The following SUGCT variants were observed in gnomAD, a reference collection of about 807,000 sequenced individuals.
SUGCT encodes the protein succinyl-CoA:glutarate CoA-transferase.
A neutral mutation model predicts 55.0 loss-of-function variants in SUGCT; 41 were observed. That is an observed-to-expected ratio of 0.74 (90% CI 0.58 to 0.97). SUGCT has a LOEUF of 0.97. SUGCT is among the 50% of genes least tolerant of loss of function. SUGCT has a pLI of 0.00. For missense variants in SUGCT, 568 were observed against 547.8 expected, an observed-to-expected ratio of 1.04 and a Z score of -0.37; for synonymous variants, 187 against 200.4, an observed-to-expected ratio of 0.93 and a Z score of 0.56.
intron 12 of SUGCT, among the ~76,000 whole-genome samples, chr7:40,549,064 T>A (rs147760239): frequency 4.6e-5 from 7 of 152,290 alleles, no homozygotes; most frequent in Admixed American, 4.6e-4. Context: ...TCTCCTTGGA[T>A]CTCCTTCTGA....
intron 6 of SUGCT, among the ~76,000 whole-genome samples, chr7:40,208,276 G>T (rs1787112595): frequency 6.6e-6 from 1 of 152,088 alleles, no homozygotes; most frequent in Non-Finnish European, 1.5e-5. Flanking sequence ...TGATAGTTAT[G>T]CAACTATGTG....
chr7:40,546,375 A>G (rs1794991432), intron 12 of SUGCT, among the ~76,000 whole-genome samples: 1 of 152,228 alleles, frequency 6.6e-6, no homozygotes, highest in Non-Finnish European at 1.5e-5. Context: ...GGCCTATTTC[A>G]AAGTAATGTG....
At chr7:40,657,680 A>G (rs541350803) in intron 12 of SUGCT, among the ~76,000 whole-genome samples, 2,018 of 148,550 alleles carry the variant, frequency 0.014, 29 homozygotes, top group African/African-American at 0.047. Context: ...GATTACAGGC[A>G]CCCGCCACTA....
intron 1 of SUGCT, among the ~76,000 whole-genome samples, chr7:40,161,976 A>C (rs1246517263): frequency 6.6e-6 from 1 of 151,928 alleles, no homozygotes; most frequent in Non-Finnish European, 1.5e-5. Flanking sequence ...GGCTCATTGC[A>C]ACCTCCGCCT....
chr7:40,860,939 C>A (rs762104983), downstream of SUGCT, among the ~76,000 whole-genome samples: 6 of 151,488 alleles, frequency 4.0e-5, no homozygotes, highest in Non-Finnish European at 7.4e-5. Flanking sequence ...AAGCAATAAG[C>A]AGAATGACAG....
At chr7:40,522,986 A>G (rs1200735486) in intron 12 of SUGCT, among the ~76,000 whole-genome samples, 1 of 152,098 alleles carries the variant, frequency 6.6e-6, no homozygotes, top group Non-Finnish European at 1.5e-5. Context: ...ATGTTTGCCA[A>G]ATTATTGAAT....
intron 6 of SUGCT, among the ~76,000 whole-genome samples, chr7:40,235,393 A>G (rs1788956776): frequency 6.6e-6 from 1 of 152,108 alleles, no homozygotes; most frequent in South Asian, 2.1e-4. Flanking sequence ...AGTGGCATGA[A>G]CTTGGCTCAC....
At chr7:40,354,109 T>C (rs1797774103) in intron 9 of SUGCT, among the ~76,000 whole-genome samples, 1 of 152,190 alleles carries the variant, frequency 6.6e-6, no homozygotes, top group Non-Finnish European at 1.5e-5. Context: ...TCTTCTTCCC[T>C]CCCTTCTTTT....
At chr7:40,347,370 T>C (rs542530557) in intron 9 of SUGCT, among the ~76,000 whole-genome samples, 2 of 152,314 alleles carry the variant, frequency 1.3e-5, no homozygotes, top group African/African-American at 4.8e-5. Context: ...GGCAGATAAC[T>C]TGGCTGAGTT....
chr7:40,264,481 A>G (rs996974665), intron 7 of SUGCT, among the ~76,000 whole-genome samples: 2 of 152,186 alleles, frequency 1.3e-5, no homozygotes, highest in Non-Finnish European at 2.9e-5. Context: ...GATGCTGTAT[A>G]GTTGCAGAGT....
the SUGCT span, among the ~76,000 whole-genome samples, chr7:41,007,011 A>G: frequency 6.6e-6 from 1 of 152,332 alleles, no homozygotes; most frequent in South Asian, 2.1e-4. Flanking sequence ...TGAAGCTGAC[A>G]TAAATTTAAA....
chr7:40,954,708 T>C, the SUGCT span, among the ~76,000 whole-genome samples: 3 of 152,340 alleles, frequency 2.0e-5, no homozygotes, highest in East Asian at 5.8e-4. Context: ...ATGAAGTCTT[T>C]ACCCATGCCT....
the SUGCT span, among the ~76,000 whole-genome samples, chr7:40,924,970 A>T: frequency 6.6e-6 from 1 of 152,148 alleles, no homozygotes; most frequent in African/African-American, 2.4e-5. Flanking sequence ...AGTCATATGG[A>T]TATTGTGTTG....
chr7:40,958,360 C>A, the SUGCT span, among the ~76,000 whole-genome samples: 1 of 151,842 alleles, frequency 6.6e-6, no homozygotes, highest in Non-Finnish European at 1.5e-5. Flanking sequence ...TTGTTCATTC[C>A]TGTTCATTCT....
At chr7:41,012,631 G>T in the SUGCT span, among the ~76,000 whole-genome samples, 1 of 152,072 alleles carries the variant, frequency 6.6e-6, no homozygotes, top group Non-Finnish European at 1.5e-5. Context: ...AACATTAGTG[G>T]ATCCAAGTGC....
At chr7:40,497,759 G>A (rs970228971) in intron 12 of SUGCT, among the ~76,000 whole-genome samples, 4 of 152,014 alleles carry the variant, frequency 2.6e-5, no homozygotes, top group African/African-American at 7.2e-5. Context: ...CATTTTTCTG[G>A]AGATATTTCC....
chr7:40,231,880 G>T (rs1201548627), intron 6 of SUGCT, among the ~76,000 whole-genome samples: 1 of 152,142 alleles, frequency 6.6e-6, no homozygotes, highest in East Asian at 1.9e-4. Flanking sequence ...TGGGAGGATT[G>T]CTTGAGCCCA....
intron 13 of SUGCT, among the ~76,000 whole-genome samples, chr7:40,759,481 A>G (rs1168620181): frequency 2.6e-5 from 4 of 152,148 alleles, no homozygotes; most frequent in Non-Finnish European, 5.9e-5. Flanking sequence ...TGTCCATTTT[A>G]CAGATAAGAA....
chr7:40,639,995 G>A (rs1443503741), intron 12 of SUGCT, among the ~76,000 whole-genome samples: 1 of 152,176 alleles, frequency 6.6e-6, no homozygotes, highest in East Asian at 1.9e-4. Context: ...AAGCTATGAA[G>A]ATTCAGCATC....
Sources: gnomAD v4.1 joint callset for allele counts (sites outside exome capture counted in the v4.1 genomes callset) on GRCh38, gnomAD v4.1.1 for gene constraint, MANE v1.5 for transcripts, NCBI Gene and HGNC (gene_info 2026-07-23, HGNC 2026-07-21) for gene names.